SGCZ: variants seen among roughly 807,000 people sequenced by gnomAD.
The protein encoded by SGCZ is zeta-sarcoglycan.
SGCZ carries 40 observed loss-of-function variants against 41.3 expected under a neutral mutation model. That is an observed-to-expected ratio of 0.97 (90% CI 0.75 to 1.26). The LOEUF is 1.26. Ranked by LOEUF, SGCZ falls within the 50% of genes most tolerant of loss-of-function variation. The pLI is 0.00. For missense variants in SGCZ, 552 were observed against 369.8 expected (o/e 1.49, Z -4.04); for synonymous variants, 206 against 137.5 (o/e 1.50, Z -3.49).
At chr8:14,226,264 T>A (rs146495838) in intron 4 of SGCZ, among the ~76,000 whole-genome samples, 3 of 152,110 alleles carry the variant, frequency 2.0e-5, no homozygotes, top group African/African-American at 4.8e-5. Flanking sequence ...TACTATAGAG[T>A]CAATTTTCGG....
At chr8:14,747,250 A>T (rs1437607447) in intron 1 of SGCZ, among the ~76,000 whole-genome samples, 1 of 152,180 alleles carries the variant, frequency 6.6e-6, no homozygotes, top group African/African-American at 2.4e-5. Context: ...GTCGTGTGTG[A>T]ATACCCATCT....
At chr8:15,169,955 A>G (rs1799780382) in intron 1 of SGCZ, among the ~76,000 whole-genome samples, 1 of 152,142 alleles carries the variant, frequency 6.6e-6, no homozygotes, top group Non-Finnish European at 1.5e-5. Context: ...CATCATAGAT[A>G]TTTGTTTCCA....
chr8:14,142,854 C>T (rs1481599319), intron 5 of SGCZ, among the ~76,000 whole-genome samples: 1 of 152,032 alleles, frequency 6.6e-6, no homozygotes, highest in East Asian at 1.9e-4. Flanking sequence ...CTTCCTCCTG[C>T]CCCAGCCATG....
chr8:14,119,827 T>A (rs1016889640), intron 5 of SGCZ, among the ~76,000 whole-genome samples: 2 of 152,138 alleles, frequency 1.3e-5, no homozygotes, highest in Admixed American at 1.3e-4. Context: ...AATCGTGTGG[T>A]TTTTGTGATT....
intron 4 of SGCZ, among the ~76,000 whole-genome samples, chr8:14,206,842 C>T (rs1012863245): frequency 2.0e-5 from 3 of 152,090 alleles, no homozygotes; most frequent in African/African-American, 4.8e-5. Context: ...ATTCAGTATG[C>T]CCCTTCCCTA....
At chr8:14,456,512 G>T (rs979275246) in intron 2 of SGCZ, among the ~76,000 whole-genome samples, 1 of 152,050 alleles carries the variant, frequency 6.6e-6, no homozygotes, top group Admixed American at 6.6e-5. Flanking sequence ...AGAAAGCAGA[G>T]GACTTAGGAA....
chr8:14,407,698 A>T (rs6992042), intron 2 of SGCZ, among the ~76,000 whole-genome samples: 20,445 of 152,170 alleles, frequency 0.13, 3,005 homozygotes, highest in African/African-American at 0.36. Context: ...AAGGCTGTCA[A>T]TATGAATGAG....
chr8:14,934,355 T>C (rs1435809411), intron 1 of SGCZ, among the ~76,000 whole-genome samples: 1 of 151,788 alleles, frequency 6.6e-6, no homozygotes, highest in Non-Finnish European at 1.5e-5. Context: ...ATTCATGAGG[T>C]TCCAGGATTG....
chr8:15,031,117 C>A (rs777709098), intron 1 of SGCZ, among the ~76,000 whole-genome samples: 1 of 152,024 alleles, frequency 6.6e-6, no homozygotes, highest in African/African-American at 2.4e-5. Context: ...AACAGAGTTT[C>A]ATAAAACCAA....
chr8:14,162,315 G>C (rs1156980212), intron 5 of SGCZ, among the ~76,000 whole-genome samples: 1 of 152,088 alleles, frequency 6.6e-6, no homozygotes, highest in Non-Finnish European at 1.5e-5. Context: ...ATAAATTTTT[G>C]ATAAGTGTGT....
In SGCZ at chr8:15,229,439, A is replaced by G. The variant is rs561428378; in HGVS notation, c.39+8146T>C. ...GGAGATGGACCACAAATCTGTTCCT[A>G]AGGTAAAGGGGAACTAATTTAAAGT... On this transcript the variant is annotated intron_variant, in intron 1 of 7. Coordinates refer to ENST00000382080, the MANE Select transcript of SGCZ (RefSeq NM_139167.4). Among the ~76,000 whole-genome samples the G allele has an allele frequency of 3.9e-5, 6 of 152,340 alleles. No homozygotes were observed. The East Asian group carries it at 1.2e-3, about 29-fold the overall frequency.
chr8:14,948,290 C>T (rs1199305613), intron 1 of SGCZ, among the ~76,000 whole-genome samples: 1 of 152,070 alleles, frequency 6.6e-6, no homozygotes, highest in Admixed American at 6.6e-5. Flanking sequence ...ATGATGAGAA[C>T]TGGGTATTCT....
At chr8:14,677,460 T>G (rs1228853199) in intron 1 of SGCZ, among the ~76,000 whole-genome samples, 1 of 152,136 alleles carries the variant, frequency 6.6e-6, no homozygotes, top group Non-Finnish European at 1.5e-5. Flanking sequence ...CTACATATTG[T>G]TATGAATAAC....
intron 1 of SGCZ, among the ~76,000 whole-genome samples, chr8:15,120,306 C>T (rs1251702467): frequency 6.6e-6 from 1 of 152,168 alleles, no homozygotes; most frequent in Non-Finnish European, 1.5e-5. Context: ...TTCATGTAAT[C>T]ATAATTGATC....
intron 1 of SGCZ, among the ~76,000 whole-genome samples, chr8:14,917,053 G>C (rs1192173360): frequency 1.3e-5 from 2 of 152,006 alleles, no homozygotes; most frequent in African/African-American, 4.8e-5. Flanking sequence ...CAGACAGCTT[G>C]ACATATACAT....
intron 1 of SGCZ, among the ~76,000 whole-genome samples, chr8:14,928,109 T>C (rs1022541838): frequency 2.0e-5 from 3 of 152,220 alleles, no homozygotes; most frequent in African/African-American, 7.2e-5. Context: ...CTGCCATCCA[T>C]GCTGTGTGAA....
intron 2 of SGCZ, among the ~76,000 whole-genome samples, chr8:14,417,915 G>T (rs1267449297): frequency 2.0e-5 from 3 of 151,776 alleles, no homozygotes; most frequent in South Asian, 2.1e-4. Context: ...ATATTAATCA[G>T]GTTTTTAATC....
chr8:14,697,388 G>C (rs878955872), intron 1 of SGCZ, among the ~76,000 whole-genome samples: 1 of 152,022 alleles, frequency 6.6e-6, no homozygotes, highest in Admixed American at 6.6e-5. Context: ...CATCAGAACA[G>C]TCCCAGGTAC....
chr8:15,174,755 G>GT (rs1402054880), intron 1 of SGCZ, among the ~76,000 whole-genome samples: 1 of 152,174 alleles, frequency 6.6e-6, no homozygotes, highest in African/African-American at 2.4e-5. Context: ...GTATGGAACT[G>GT]TATCTCATCA....
Sources: gnomAD v4.1 joint callset for allele counts (sites outside exome capture counted in the v4.1 genomes callset) on GRCh38, gnomAD v4.1.1 for gene constraint, MANE v1.5 for transcripts, NCBI Gene and HGNC (gene_info 2026-07-23, HGNC 2026-07-21) for gene names.